Variants in ZBTB38 observed in about 807,000 individuals in gnomAD.
The protein encoded by ZBTB38 is zinc finger and BTB domain containing 38.
Under a neutral mutation model 76.8 loss-of-function variants are expected in ZBTB38, and 20 were observed. The observed-to-expected ratio is 0.26, with a 90% CI of 0.18 to 0.38. The LOEUF (loss-of-function observed/expected upper bound fraction) is 0.38, where lower values mean the gene tolerates loss of function less well. Among genes scored for constraint, ZBTB38 ranks in the 10% least tolerant of loss-of-function variants. The probability of loss-of-function intolerance (pLI) is 1.00; values close to 1 mark genes in which losing one functional copy is unlikely to be tolerated. For missense variants in ZBTB38, 1,082 were observed against 1,482.3 expected (o/e 0.73, Z 4.43); for synonymous variants, 504 against 544.2 (o/e 0.93, Z 1.03).
chr3:141,360,681 A>G (rs955467569), intron 1 of ZBTB38, among the ~76,000 whole-genome samples: 5 of 152,132 alleles, frequency 3.3e-5, no homozygotes, highest in South Asian at 2.1e-4. Context: ...TTTCTAGTCT[A>G]GGATTTCTTC....
At chr3:141,418,887 C>A (rs2074702472) in intron 5 of ZBTB38, among the ~76,000 whole-genome samples, 1 of 152,082 alleles carries the variant, frequency 6.6e-6, no homozygotes. Flanking sequence ...GTAGAAAATA[C>A]AAAGTAGAAT....
At chr3:141,383,558 A>G (rs2149203041) in intron 3 of ZBTB38, 1 of 152,346 alleles carries the variant, frequency 6.6e-6, no homozygotes, top group East Asian at 1.9e-4. Flanking sequence ...TCTGGGACTC[A>G]GTGCCCTGAC....
intron 4 of ZBTB38, among the ~76,000 whole-genome samples, chr3:141,401,124 TAAC>T (rs1436403875): frequency 6.6e-6 from 1 of 152,242 alleles, no homozygotes; most frequent in African/African-American, 2.4e-5. Flanking sequence ...AATCCACTAT[TAAC>T]AACAGGTTAG....
intron 4 of ZBTB38, chr3:141,402,900 C>T (rs527697710): frequency 1.3e-5 from 2 of 152,298 alleles, no homozygotes; most frequent in East Asian, 3.9e-4. Context: ...AGTCCTGACC[C>T]TATGGGAACT....
At position 141,338,007 on chromosome 3, in the gene ZBTB38, C is replaced by A. The variant is rs1488349802; in HGVS notation, c.-739+13551C>A. Reference sequence around the variant, plus strand: ...CCAGCACTAAGAATACATCAGTAAACAAGGTAGTAAACAAAGCCAACAAGC... The same window carrying A: ...CCAGCACTAAGAATACATCAGTAAAAAAGGTAGTAAACAAAGCCAACAAGC... On this transcript the variant is annotated intron_variant, in intron 1 of 7. Coordinates refer to the ZBTB38 transcript ENST00000509842. Among the ~76,000 whole-genome samples, 2 of 152,062 alleles carry A rather than the reference C, an allele frequency of 1.3e-5. 1 individual carries two copies. The highest frequency in any genetic ancestry group is 2.9e-5 in the Non-Finnish European group (2 of 68,008).
intron 1 of ZBTB38, among the ~76,000 whole-genome samples, chr3:141,328,039 A>G (rs539752962): frequency 6.4e-4 from 97 of 152,274 alleles, no homozygotes; most frequent in Non-Finnish European, 8.8e-5. Flanking sequence ...TAATGCTTGA[A>G]GTTCAAGATG....
At chr3:141,432,028 C>T in intron 5 of ZBTB38, 1 of 919,210 alleles carries the variant, frequency 1.1e-6, no homozygotes. Flanking sequence ...AACACCCCGT[C>T]ACGTGAGGAG....
chr3:141,436,398 G>A (rs956376223), intron 5 of ZBTB38, among the ~76,000 whole-genome samples: 5 of 152,242 alleles, frequency 3.3e-5, no homozygotes, highest in Non-Finnish European at 7.4e-5. Context: ...GGCAGGCAGT[G>A]TGTGTGTGTT....
intron 2 of ZBTB38, among the ~76,000 whole-genome samples, chr3:141,371,822 A>G (rs1275454950): frequency 1.3e-5 from 2 of 152,232 alleles, no homozygotes; most frequent in African/African-American, 2.4e-5. Context: ...TTAACATTTT[A>G]TGTAACCTTC....
At chr3:141,426,262 C>A in intron 5 of ZBTB38, 1 of 1,135,110 alleles carries the variant, frequency 8.8e-7, no homozygotes, top group Non-Finnish European at 1.2e-6. Context: ...AGCACACCTG[C>A]CCAGACCCTG....
intron 5 of ZBTB38, among the ~76,000 whole-genome samples, chr3:141,428,102 C>G (rs78960151): frequency 0.11 from 16,541 of 152,246 alleles, 1,033 homozygotes; most frequent in East Asian, 0.28. Flanking sequence ...CATGCCTTAA[C>G]TGCCATCCTC....
At chr3:141,365,435 GA>G, upstream of ZBTB38, among the ~76,000 whole-genome samples, 1 of 152,078 alleles carries the variant, frequency 6.6e-6, no homozygotes, top group East Asian at 1.9e-4. Context: ...CAAGGTGGCT[GA>G]GAGTGCTAGC....
At chr3:141,382,179 TTC>T (rs1248733473) in intron 3 of ZBTB38, among the ~76,000 whole-genome samples, 3 of 151,942 alleles carry the variant, frequency 2.0e-5, no homozygotes, top group African/African-American at 7.2e-5. Context: ...CGACTGAGAG[TTC>T]AAGTCCCACC....
intron 3 of ZBTB38, chr3:141,383,716 A>T (rs1946527483): frequency 6.6e-6 from 1 of 152,212 alleles, no homozygotes; most frequent in African/African-American, 2.4e-5. Flanking sequence ...GCAAGTAAGC[A>T]CGTTAATCAA....
chr3:141,411,583 CGGA>C (rs1956668580), intron 5 of ZBTB38, among the ~76,000 whole-genome samples: 1 of 152,046 alleles, frequency 6.6e-6, no homozygotes, highest in African/African-American at 2.4e-5. Flanking sequence ...TTTGAGGAAG[CGGA>C]GGCAAGAAGA....
At chr3:141,428,973 A>T (rs2076913159) in intron 5 of ZBTB38, among the ~76,000 whole-genome samples, 1 of 152,344 alleles carries the variant, frequency 6.6e-6, no homozygotes, top group African/African-American at 2.4e-5. Context: ...TTATAAACAT[A>T]TATCTTTTTA....
chr3:141,408,309 G>A (rs1291332401), intron 5 of ZBTB38, among the ~76,000 whole-genome samples: 3 of 152,236 alleles, frequency 2.0e-5, no homozygotes, highest in African/African-American at 7.2e-5. Flanking sequence ...CACTGTGGGA[G>A]GCCAAGGCTG....
chr3:141,402,498 GAGGCGCGGCCTGC>G (rs1251222922), intron 4 of ZBTB38: 6 of 148,210 alleles, frequency 4.0e-5, no homozygotes, highest in Non-Finnish European at 7.4e-5. Context: ...GGGGCGGGGC[GAGGCGCGGCCTGC>G]GGGCGCGGCG....
intron 4 of ZBTB38, among the ~76,000 whole-genome samples, chr3:141,390,424 A>G (rs996605093): frequency 7.2e-5 from 11 of 152,200 alleles, no homozygotes; most frequent in Non-Finnish European, 1.6e-4. Flanking sequence ...ATGATTTATA[A>G]TATAAAATAC....
Sources: allele counts gnomAD v4.1 joint callset (sites outside exome capture counted in the v4.1 genomes callset), GRCh38; gene constraint gnomAD v4.1.1; transcripts MANE v1.5; gene names NCBI Gene and HGNC (gene_info 2026-07-23, HGNC 2026-07-21).